Variants in AKAP6 observed in about 807,000 individuals in gnomAD.
AKAP6 encodes A-kinase anchor protein 6.
Under a neutral mutation model 188.5 loss-of-function variants are expected in AKAP6, and 58 were observed. The observed-to-expected ratio is 0.31, with a 90% CI of 0.25 to 0.38. AKAP6 has a LOEUF of 0.38. Ranked by LOEUF, AKAP6 falls within the 10% of genes least tolerant of loss-of-function variation. AKAP6 has a pLI of 1.00. For missense variants in AKAP6, 2,710 were observed against 2,740.0 expected (o/e 0.99, Z 0.24); for synonymous variants, 989 against 998.6 (o/e 0.99, Z 0.18).
At chr14:32,512,131 A>C (rs2139027498) in intron 2 of AKAP6, among the ~76,000 whole-genome samples, 1 of 152,304 alleles carries the variant, frequency 6.6e-6, no homozygotes, top group South Asian at 2.1e-4. Flanking sequence ...GATGGGCATA[A>C]GATTTAGGGT....
At chr14:32,510,118 CA>C (rs1881100733) in intron 2 of AKAP6, among the ~76,000 whole-genome samples, 1 of 151,870 alleles carries the variant, frequency 6.6e-6, no homozygotes, top group Non-Finnish European at 1.5e-5. Context: ...TGGCTAGCAC[CA>C]GATTCCAGGG....
chr14:32,728,477 C>A (rs1162784182), intron 9 of AKAP6, among the ~76,000 whole-genome samples: 1 of 151,514 alleles, frequency 6.6e-6, no homozygotes, highest in African/African-American at 2.4e-5. Flanking sequence ...TATATTTGTA[C>A]CAGGAAAGAC....
At chr14:32,794,451 T>A (rs946533445) in intron 12 of AKAP6, among the ~76,000 whole-genome samples, 1 of 152,134 alleles carries the variant, frequency 6.6e-6, no homozygotes, top group African/African-American at 2.4e-5. Context: ...TCCCAATTAC[T>A]TGGGAGGCTG....
Position 32,535,820 on chromosome 14 carries a change from T to A in AKAP6, c.576+15T>A, listed in dbSNP as rs1374027409. 1.2e-6 allele frequency: 2 copies of A among 1,600,724 alleles called. No individual in the cohort carries two copies. The highest frequency in any genetic ancestry group is 1.7e-6 in the Non-Finnish European group (2 of 1,171,020). ...AGACAAAAGAGGTGAGTGTTTTCCT[T>A]GAAGTTAAGCAATGCATTTCCAGGT... is the stretch of plus-strand genomic sequence containing the variant. On this transcript the variant is annotated intron_variant, in intron 3 of 13. Transcript: ENST00000280979.
intron 1 of AKAP6, among the ~76,000 whole-genome samples, chr14:32,356,925 CCTT>C (rs1235193317): frequency 6.6e-6 from 1 of 151,964 alleles, no homozygotes; most frequent in African/African-American, 2.4e-5. Context: ...AGTTGACACT[CCTT>C]CTTCATTCCC....
Position 32,732,563 on chromosome 14 carries a change from A to G in AKAP6, c.3110A>G (p.Lys1037Arg). ...GVLLPNDLLE[K>R]VDSINEKWEL... is the part of the protein sequence containing the mutation. ...TTACTACCAAATGATCTCCTTGAAA[A>G]AGTGGATTCAATTAATGAAAAATGG... The change falls in exon 10 of 14, where the codon AAA becomes AGA. Residue 1037 changes from lysine to arginine, a missense_variant. Coordinates refer to ENST00000280979, the MANE Select transcript of AKAP6 (RefSeq NM_004274.5). The G allele has an allele frequency of 6.2e-7, 1 of 1,613,616 alleles. No individual in the cohort carries two copies. Among genetic ancestry groups the G allele is most frequent in the Non-Finnish European group, 8.5e-7 (1 of 1,179,716 alleles).
chr14:32,707,621 G>A (rs1890864115), intron 9 of AKAP6, among the ~76,000 whole-genome samples: 1 of 151,992 alleles, frequency 6.6e-6, no homozygotes, highest in Non-Finnish European at 1.5e-5. Context: ...CCAGTGCCAA[G>A]CACAGTGCCT....
chr14:32,624,798 A>C (rs766248385), intron 7 of AKAP6, among the ~76,000 whole-genome samples: 2 of 152,130 alleles, frequency 1.3e-5, no homozygotes, highest in African/African-American at 2.4e-5. Context: ...ACCAATTGCT[A>C]TTAACTTGTT....
At chr14:32,543,288 C>A (rs1883044802) in intron 3 of AKAP6, among the ~76,000 whole-genome samples, 2 of 152,174 alleles carry the variant, frequency 1.3e-5, no homozygotes, top group African/African-American at 4.8e-5. Context: ...TGAGTGAGAA[C>A]ATGTGGTATT....
intron 1 of AKAP6, among the ~76,000 whole-genome samples, chr14:32,345,321 CAG>C (rs2138426183): frequency 6.6e-6 from 1 of 152,272 alleles, no homozygotes; most frequent in Admixed American, 6.5e-5. Context: ...TAAGCAGACA[CAG>C]GGGTAACTCT....
At chr14:32,729,922 T>C (rs2031090047) in intron 9 of AKAP6, among the ~76,000 whole-genome samples, 1 of 152,122 alleles carries the variant, frequency 6.6e-6, no homozygotes. Flanking sequence ...AATATGAAGA[T>C]TAAATTATCT....
intron 2 of AKAP6, among the ~76,000 whole-genome samples, chr14:32,489,945 G>A (rs1370219250): frequency 2.0e-5 from 3 of 152,226 alleles, no homozygotes; most frequent in South Asian, 4.1e-4. Context: ...CAGCAAAAGG[G>A]TGGTGGGATT....
intron 11 of AKAP6, among the ~76,000 whole-genome samples, chr14:32,767,288 T>C (rs1344851135): frequency 6.6e-6 from 1 of 152,160 alleles, no homozygotes; most frequent in Non-Finnish European, 1.5e-5. Context: ...TGAAGTCACC[T>C]TCTCAGAGAA....
chr14:32,376,345 T>C (rs773382714), intron 1 of AKAP6, among the ~76,000 whole-genome samples: 1 of 152,230 alleles, frequency 6.6e-6, no homozygotes, highest in Non-Finnish European at 1.5e-5. Flanking sequence ...TAATAAGCTT[T>C]ATCTGTGTCT....
At chr14:32,498,013 T>C (rs1172963673) in intron 2 of AKAP6, among the ~76,000 whole-genome samples, 2 of 152,152 alleles carry the variant, frequency 1.3e-5, no homozygotes, top group Non-Finnish European at 2.9e-5. Context: ...GGTATTTATG[T>C]AAAAACTGTG....
At chr14:32,723,551 ATGTGTTTATGTGTGTGTGTGTG>A (rs2030672930) in intron 9 of AKAP6, among the ~76,000 whole-genome samples, 1 of 143,530 alleles carries the variant, frequency 7.0e-6, no homozygotes, top group Admixed American at 6.9e-5. Context: ...ATGTGTGCGT[ATGTGTTTATGTGTGTGTGTGTG>A]TGTGTGTGTG....
intron 3 of AKAP6, among the ~76,000 whole-genome samples, chr14:32,541,497 G>A (rs1882954684): frequency 6.6e-6 from 1 of 152,064 alleles, no homozygotes; most frequent in African/African-American, 2.4e-5. Context: ...AAGGCAGGTG[G>A]CTGACACTTC....
Position 32,545,339 on chromosome 14 carries a change from A to T in AKAP6, c.686A>T (p.Asp229Val). The T allele has an allele frequency of 6.2e-7, 1 of 1,614,166 alleles. No individual in the cohort carries two copies. Among genetic ancestry groups the T allele is most frequent in the Non-Finnish European group, 8.5e-7 (1 of 1,180,004 alleles). The change falls in exon 4 of 14, where the codon GAC (aspartate) becomes GTC (valine). Residue 229 changes from aspartate to valine, a missense_variant. Physicochemically the swap from Asp to Val is radical, Grantham distance 152. Around this residue, in one of 2 missense-constraint regions of AKAP6, gnomAD observed 237 missense variants for 313.9 expected, o/e 0.76. Transcript: ENST00000280979. Reference protein sequence around the residue: ...DCGITAFELSDYSPSEDLLSG... With the variant: ...DCGITAFELSVYSPSEDLLSG... ...GGCATTACTGCATTCGAACTGTCTG[A>T]CTACAGTCCAAGTGAGGATTTGCTC...
chr14:32,444,700 C>G (rs1890702613), intron 2 of AKAP6, among the ~76,000 whole-genome samples: 1 of 151,954 alleles, frequency 6.6e-6, no homozygotes, highest in African/African-American at 2.4e-5. Flanking sequence ...GTTCAGAAGT[C>G]TGACAAACTG....
Sources: allele counts gnomAD v4.1 joint callset (sites outside exome capture counted in the v4.1 genomes callset), GRCh38; gene constraint gnomAD v4.1.1; regional missense constraint gnomAD v4.1.1; transcripts MANE v1.5; gene names NCBI Gene and HGNC (gene_info 2026-07-23, HGNC 2026-07-21).